MANSC1: variants seen among roughly 807,000 people sequenced by gnomAD.
The protein encoded by MANSC1 is MANSC domain containing 1.
MANSC1 carries 13 observed loss-of-function variants against 14.1 expected under a neutral mutation model. The observed-to-expected ratio is 0.92, with a 90% CI of 0.60 to 1.46. The LOEUF (loss-of-function observed/expected upper bound fraction) is 1.46, where lower values mean the gene tolerates loss of function less well. Ranked by LOEUF, MANSC1 falls within the 40% of genes most tolerant of loss-of-function variation. MANSC1 has a pLI of 0.00. For synonymous variants in MANSC1, 227 were observed against 200.7 expected, an observed-to-expected ratio of 1.13 and a Z score of -1.11; for missense variants, 486 against 511.4, an observed-to-expected ratio of 0.95 and a Z score of 0.48.
chr12:12,344,304 G>A (rs1292505703), intron 1 of MANSC1, among the ~76,000 whole-genome samples: 1 of 152,048 alleles, frequency 6.6e-6, no homozygotes, highest in Non-Finnish European at 1.5e-5. Flanking sequence ...GATTCCGGGT[G>A]TGTCTGTGAG....
rs114899636 is a variant in MANSC1 at position 12,331,959 on chromosome 12, G to T, written c.365-1001C>A. Among the ~76,000 whole-genome samples, 1,308 of 152,256 alleles carry T rather than the reference G, an allele frequency of 8.6e-3. 18 individuals carry two copies. Among genetic ancestry groups the T allele is most frequent in the African/African-American group, 0.029 (1,210 of 41,554 alleles). Reference sequence around the variant, plus strand: ...TCATGATGACCACACTGTAGACACAGAGGGCAGAAAAACCATACAGTCCCG... The same window carrying T: ...TCATGATGACCACACTGTAGACACATAGGGCAGAAAAACCATACAGTCCCG... On this transcript the variant is annotated intron_variant, in intron 3 of 3. Transcript: ENST00000535902.
In MANSC1 at chr12:12,329,886, C is replaced by CAAA; in HGVS notation, c.*138_*140dup. On this transcript the variant is annotated 3_prime_UTR_variant, in exon 4 of 4. Coordinates refer to ENST00000535902, the MANE Select transcript of MANSC1 (RefSeq NM_018050.4). ...GGGCAACAAAGCAAGACTCTGTCTC[C>CAAA]AAAAAAAAAAAAGGAAAGCAGAAGG... The CAAA allele has an allele frequency of 1.6e-5, 10 of 621,946 alleles. No homozygotes were observed. The highest frequency in any genetic ancestry group is 4.7e-4 in the Middle Eastern group (1 of 2,146). 38.5% of individuals were successfully genotyped at this position (621,946 alleles called of 1,614,324 possible).
intron 1 of MANSC1, among the ~76,000 whole-genome samples, chr12:12,346,306 C>T (rs1164102734): frequency 6.6e-6 from 1 of 152,036 alleles, no homozygotes; most frequent in South Asian, 2.1e-4. Context: ...CCAACTTGAG[C>T]TACAGATTAA....
At chr12:12,347,758 T>C (rs971252383) in intron 1 of MANSC1, among the ~76,000 whole-genome samples, 1 of 152,182 alleles carries the variant, frequency 6.6e-6, no homozygotes, top group Non-Finnish European at 1.5e-5. Flanking sequence ...TACAAGGACA[T>C]GGAGCAACAG....
rs1254787998 is a variant in MANSC1 at position 12,329,025 on chromosome 12, C to CACAA, written c.*1001_*1002insTTGT. The CACAA allele has an allele frequency of 6.6e-6, 1 of 152,132 alleles. No homozygotes were observed. Among genetic ancestry groups the CACAA allele is most frequent in the East Asian group, 1.9e-4 (1 of 5,240 alleles). 9.4% of individuals were successfully genotyped at this position (152,132 alleles called of 1,614,324 possible). A position where few individuals can be genotyped will look rare whatever the true frequency, so the allele number is the denominator to read the frequency against. On this transcript the variant is annotated 3_prime_UTR_variant, in exon 4 of 4. Transcript: ENST00000535902. ...ACACACACACACACACACACACACA[C>CACAA]AAGTTAACTAGAACAGATCCCAAGT...
rs540031432 is a variant in MANSC1, at chr12:12,346,055, T to C, written c.-100-2641A>G. Among the ~76,000 whole-genome samples the C allele has an allele frequency of 2.6e-4, 40 of 152,234 alleles. No homozygotes were observed. In the South Asian group the frequency reaches 4.4e-3, roughly 17 times the overall value. ...TTGGGAGGCCGAGGCAGGCAGATCA[T>C]GAGGTCAGGAGATCACAACCATCCT... On this transcript the variant is annotated intron_variant, in intron 1 of 3. Transcript: ENST00000535902.
rs748445478 is a variant in MANSC1, at chr12:12,338,395, AGAAAAAGTATAATGCTTT to A, written c.364+7_364+24del. The A allele has an allele frequency of 8.4e-6, 13 of 1,543,780 alleles. No individual in the cohort carries two copies. The South Asian group carries it at 1.6e-4, about 20-fold the overall frequency. ...AGTCTTAAATTATTCCAATCACAAA[AGAAAAAGTATAATGCTTT>A]CATTACCTGTAATTATCCTGTAACT... On this transcript the variant is annotated splice_region_variant and intron_variant, in intron 3 of 3. Coordinates refer to ENST00000535902, the MANE Select transcript of MANSC1 (RefSeq NM_018050.4).
Position 12,329,024 on chromosome 12 carries a change from A to ACACACG in MANSC1, c.*1002_*1003insCGTGTG, listed in dbSNP as rs1862745784. The stretch of plus-strand genomic sequence containing the variant: ...CACACACACACACACACACACACAC[A>ACACACG]CAAGTTAACTAGAACAGATCCCAAG... On this transcript the variant is annotated 3_prime_UTR_variant, in exon 4 of 4. Coordinates refer to ENST00000535902, the MANE Select transcript of MANSC1 (RefSeq NM_018050.4). 1.3e-5 allele frequency: 2 copies of ACACACG among 152,432 alleles called. No homozygotes were observed. The allele number at this position is 152,432 out of a possible 1,614,324, so 9.4% of individuals were successfully genotyped here.
chr12:12,331,564 C>CAA, intron 3 of MANSC1, among the ~76,000 whole-genome samples: 1 of 152,118 alleles, frequency 6.6e-6, no homozygotes, highest in Non-Finnish European at 1.5e-5. Flanking sequence ...CCACCTAAGA[C>CAA]TGAGATGACA....
chr12:12,342,933 G>A (rs956812131), intron 2 of MANSC1, among the ~76,000 whole-genome samples, 159 bp downstream of exon 2: 13 of 152,130 alleles, frequency 8.5e-5, no homozygotes, highest in Admixed American at 8.5e-4. Flanking sequence ...CTCAGCTTAG[G>A]AGAGGGGAGG....
intron 3 of MANSC1, among the ~76,000 whole-genome samples, chr12:12,333,057 A>T (rs1043805368): frequency 6.7e-6 from 1 of 149,940 alleles, no homozygotes; most frequent in African/African-American, 2.5e-5. Context: ...ATATATATAT[A>T]TATTTTTGAG....
intron 1 of MANSC1, among the ~76,000 whole-genome samples, chr12:12,344,802 T>C (rs1442351373): frequency 6.7e-6 from 1 of 149,446 alleles, no homozygotes; most frequent in Non-Finnish European, 1.5e-5. Flanking sequence ...GGATGCTTCC[T>C]GCCTTCAAAC....
At chr12:12,343,036 G>A (rs1862958083) in intron 2 of MANSC1, 56 bp downstream of exon 2, 1 of 1,246,644 alleles carries the variant, frequency 8.0e-7, no homozygotes, top group Admixed American at 1.7e-5. Flanking sequence ...ACATCCCCCA[G>A]CTCCTGAAGC....
intron 1 of MANSC1, among the ~76,000 whole-genome samples, chr12:12,343,849 T>C (rs1044989653): frequency 1.3e-4 from 20 of 152,138 alleles, no homozygotes; most frequent in Admixed American, 1.0e-3. Flanking sequence ...TGGTAGCTCA[T>C]GCCTGTAATC....
In MANSC1 at chr12:12,333,290, G is replaced by A. The variant is rs751475496; in HGVS notation, c.365-2332C>T. On this transcript the variant is annotated intron_variant, in intron 3 of 3. Transcript: ENST00000535902. The stretch of plus-strand genomic sequence containing the variant: ...TTGAACTCCTGGAATCAAGCAATCC[G>A]CCCACCTCAGCCTCCCAAAGTGCTG... Among the ~76,000 whole-genome samples the A allele has an allele frequency of 5.3e-5, 8 of 151,776 alleles. No individual in the cohort carries two copies. In the East Asian group the frequency reaches 7.8e-4, roughly 15 times the overall value.
chr12:12,331,983 C>T lies in MANSC1; in HGVS notation c.365-1025G>A, dbSNP rs576909893. On this transcript the variant is annotated intron_variant, in intron 3 of 3. Transcript: ENST00000535902. ...AGAGGGCAGAAAAACCATACAGTCC[C>T]GATGCCTGCTGAGGAGAAACCAGCC... Among the ~76,000 whole-genome samples the T allele has an allele frequency of 7.2e-5, 11 of 152,206 alleles. No individual in the cohort carries two copies. The East Asian group carries it at 7.7e-4, about 11-fold the overall frequency.
intron 2 of MANSC1, 148 bp downstream of exon 2, chr12:12,342,944 G>T (rs1444456193): frequency 1.6e-6 from 1 of 624,734 alleles, no homozygotes; most frequent in Non-Finnish European, 2.8e-6. Context: ...AGAGGGGAGG[G>T]CACACTTGTA....
In MANSC1 at chr12:12,343,306, G is replaced by A. The variant is rs747267958; in HGVS notation, c.9C>T (p.Phe3=). ...TGTAAGTCAAGCTCCCTTCTCCCCC[G>A]AAGAACATTTTAAATTTCAGTTTAG... MF[F]GGEGSLTYTL... The change falls in exon 2 of 4, where the codon TTC becomes TTT. Residue 3 remains phenylalanine, a synonymous_variant. Transcript: ENST00000535902. The A allele has an allele frequency of 3.0e-5, 48 of 1,612,492 alleles. No homozygotes were observed. The highest frequency in any genetic ancestry group is 1.7e-4 in the Middle Eastern group (1 of 6,058).
Position 12,330,095 on chromosome 12 carries a change from C to T in MANSC1, c.1228G>A (p.Glu410Lys), listed in dbSNP as rs1336728821. The change falls in exon 4 of 4, where the codon GAA becomes AAA. Residue 410 changes from glutamate (E) to lysine (K), a missense_variant. By Grantham distance (56) the Glu-to-Lys change is moderately conservative. Coordinates refer to ENST00000535902, the MANE Select transcript of MANSC1 (RefSeq NM_018050.4). ...GAGTAACGTTTCCTGCGGAGTGATT[C>T]CGAGAGGATTCTACCCAGGAGGACG... The part of the protein sequence containing the change: ...GLVLLGRILS[E>K]SLRRKRYSRL... The T allele has an allele frequency of 6.2e-7, 1 of 1,614,102 alleles. No homozygotes were observed. Among genetic ancestry groups the T allele is most frequent in the East Asian group, 2.2e-5 (1 of 44,880 alleles).
Sources: allele counts gnomAD v4.1 joint callset (sites outside exome capture counted in the v4.1 genomes callset), GRCh38; gene constraint gnomAD v4.1.1; transcripts MANE v1.5; gene names NCBI Gene and HGNC (gene_info 2026-07-23, HGNC 2026-07-21).